C6orf52: variants seen among roughly 807,000 people sequenced by gnomAD.
C6orf52 encodes the protein chromosome 6 open reading frame 52.
In C6orf52, 16 loss-of-function variants were observed where a neutral mutation model predicts 16.6. That is an observed-to-expected ratio of 0.96 (90% CI 0.65 to 1.46). The LOEUF (loss-of-function observed/expected upper bound fraction) is 1.46. Ranked by LOEUF, C6orf52 falls within the 40% of genes most tolerant of loss-of-function variation. C6orf52 has a pLI of 0.00. For synonymous variants in C6orf52, 53 were observed against 61.4 expected (o/e 0.86, Z 0.64); for missense variants, 166 against 182.3 (o/e 0.91, Z 0.52).
At chr6:10,677,156 C>A (rs975711045) in intron 4 of C6orf52, among the ~76,000 whole-genome samples, 2 of 152,184 alleles carry the variant, frequency 1.3e-5, no homozygotes, top group Non-Finnish European at 2.9e-5. Flanking sequence ...TTGGGTCTTA[C>A]ATTTAAGTCT....
In C6orf52 at chr6:10,694,586, GCTACAGCCCCTAAGCA is replaced by G; in HGVS notation, c.-120_-105del. The G allele has an allele frequency of 5.4e-6, 1 of 185,692 alleles. No homozygotes were observed. 11.5% of individuals were successfully genotyped at this position (185,692 alleles called of 1,614,324 possible). ...GCCCACAACAATGCACGCTGCCGGC[GCTACAGCCCCTAAGCA>G]ACCGGCCGGAAGTCGGCCCCACCTC... is the stretch of plus-strand genomic sequence containing the variant. On this transcript the variant is annotated 5_prime_UTR_variant, in exon 1 of 5. Transcript: ENST00000259983.
At chr6:10,686,923 T>C (rs1282754065) in intron 3 of C6orf52, 43 bp downstream of exon 3, 5 of 1,369,984 alleles carry the variant, frequency 3.6e-6, no homozygotes, top group Non-Finnish European at 5.0e-6. Flanking sequence ...TTTACTATTA[T>C]TGGGCACACG....
chr6:10,688,360 A>C lies in C6orf52; in HGVS notation c.-11-799T>G, dbSNP rs145182579. On this transcript the variant is annotated intron_variant, in intron 1 of 4. Transcript: ENST00000259983. ...TCCCGCCACTTGAAGTAGCAAGGTT[A>C]CACAGTGTCAAAATTCAGGATAACT... 6.0e-4 allele frequency among the ~76,000 whole-genome samples: 92 copies of C among 152,348 alleles called. 1 individual carries two copies. The highest frequency in any genetic ancestry group is 1.1e-3 in the Non-Finnish European group (73 of 68,030).
chr6:10,692,154 T>A (rs1769371650), intron 1 of C6orf52, among the ~76,000 whole-genome samples: 1 of 152,186 alleles, frequency 6.6e-6, no homozygotes, highest in South Asian at 2.1e-4. Context: ...TTTGAAAGTT[T>A]TAGCGGTTTT....
chr6:10,678,118 C>T (rs1023482145), intron 4 of C6orf52, among the ~76,000 whole-genome samples: 4 of 139,392 alleles, frequency 2.9e-5, no homozygotes, highest in Non-Finnish European at 4.5e-5. Flanking sequence ...CTGGAGGAGG[C>T]GGTTGCAGTG....
rs1039437553 is a variant in C6orf52, at chr6:10,694,495, C to G, written c.-13G>C. On this transcript the variant is annotated splice_region_variant and 5_prime_UTR_variant, in exon 1 of 5. Coordinates refer to ENST00000259983, the MANE Select transcript of C6orf52 (RefSeq NM_001145020.3). Reference sequence around the variant, plus strand: ...AACCCTAATCCCACCCCTCCTTACCCTATTAACGACAGAAAGCCTCGTTCC... The same window carrying G: ...AACCCTAATCCCACCCCTCCTTACCGTATTAACGACAGAAAGCCTCGTTCC... 1 of 156,910 alleles carries G rather than the reference C, an allele frequency of 6.4e-6. No individual in the cohort carries two copies. Among genetic ancestry groups the G allele is most frequent in the Non-Finnish European group, 1.4e-5 (1 of 70,030 alleles). The allele number at this position is 156,910 out of a possible 1,614,324, so 9.7% of individuals were successfully genotyped here.
chr6:10,687,481 T>C lies in C6orf52; in HGVS notation c.70A>G (p.Ser24Gly). The C allele has an allele frequency of 6.5e-7, 1 of 1,545,000 alleles. No homozygotes were observed. The highest frequency in any genetic ancestry group is 1.4e-5 in the African/African-American group (1 of 72,566). The change falls in exon 2 of 5, where the codon AGT becomes GGT. Residue 24 changes from serine to glycine, a missense_variant and splice_region_variant. Transcript: ENST00000259983. ...QQNNYYCYWQSLPSAIRVKQE... is the reference protein window; with the variant it reads ...QQNNYYCYWQGLPSAIRVKQE... Reference sequence around the variant, plus strand: ...TCAAAGTAGGAGAAAACCACTCACCTTTGCCAGTAGCAGTAATAGTTATTT... The same window carrying C: ...TCAAAGTAGGAGAAAACCACTCACCCTTGCCAGTAGCAGTAATAGTTATTT...
chr6:10,685,434 A>T (rs1768793800), intron 3 of C6orf52, among the ~76,000 whole-genome samples: 1 of 152,240 alleles, frequency 6.6e-6, no homozygotes, highest in Non-Finnish European at 1.5e-5. Context: ...CTTGAGAAAA[A>T]TTGAAAATGA....
intron 1 of C6orf52, among the ~76,000 whole-genome samples, chr6:10,693,574 G>A (rs966436242): frequency 6.6e-6 from 1 of 152,290 alleles, no homozygotes; most frequent in South Asian, 2.1e-4. Context: ...TGAAATGGAG[G>A]CTGAAGATTT....
At chr6:10,684,230 C>G (rs1768656223) in intron 3 of C6orf52, among the ~76,000 whole-genome samples, 1 of 152,196 alleles carries the variant, frequency 6.6e-6, no homozygotes, top group East Asian at 1.9e-4. Flanking sequence ...ACCACTTGAA[C>G]CCAGGAGATC....
At chr6:10,687,194 G>A (rs1264714495) in intron 2 of C6orf52, 30 bp from the exon 3 acceptor site, 4 of 1,464,832 alleles carry the variant, frequency 2.7e-6, no homozygotes, top group Admixed American at 2.1e-5. Context: ...CACAACCAAC[G>A]CAGAATCATC....
In C6orf52 at chr6:10,686,892, T is replaced by G. The variant is rs569372767; in HGVS notation, c.270+74A>C. 4.6e-5 allele frequency: 51 copies of G among 1,102,146 alleles called. No individual in the cohort carries two copies. In the African/African-American group the frequency reaches 6.9e-4, roughly 15 times the overall value. The allele number at this position is 1,102,146 out of a possible 1,614,324, so 68.3% of individuals were successfully genotyped here. A position where few individuals can be genotyped will look rare whatever the true frequency, so the allele number is the denominator to read the frequency against. ...GAATTTGGATGACAGGACACAGATG[T>G]GTGAAGATAGGAAAGTGATGTTTAC... is the stretch of plus-strand genomic sequence containing the variant. On this transcript the variant is annotated intron_variant, in intron 3 of 4. Coordinates refer to ENST00000259983, the MANE Select transcript of C6orf52 (RefSeq NM_001145020.3).
intron 3 of C6orf52, among the ~76,000 whole-genome samples, chr6:10,683,690 G>C (rs1046984473): frequency 2.0e-5 from 3 of 152,156 alleles, no homozygotes; most frequent in Non-Finnish European, 4.4e-5. Flanking sequence ...CCTCAAACCC[G>C]TGACTCAGCT....
At chr6:10,685,939 C>A (rs1768836795) in intron 3 of C6orf52, among the ~76,000 whole-genome samples, 1 of 152,050 alleles carries the variant, frequency 6.6e-6, no homozygotes, top group African/African-American at 2.4e-5. Context: ...GAATTATATT[C>A]TTGGGGAAAA....
chr6:10,683,904 T>C (rs1040254736), intron 3 of C6orf52, among the ~76,000 whole-genome samples: 1 of 152,202 alleles, frequency 6.6e-6, no homozygotes, highest in Non-Finnish European at 1.5e-5. Context: ...CCTGTCTTTT[T>C]AAGTATGGCC....
chr6:10,689,207 G>A (rs1769087028), intron 1 of C6orf52, among the ~76,000 whole-genome samples: 1 of 152,204 alleles, frequency 6.6e-6, no homozygotes, highest in Non-Finnish European at 1.5e-5. Context: ...CTGACCTCAG[G>A]AGATCCGCTC....
chr6:10,685,864 C>T (rs2127468455), intron 3 of C6orf52, among the ~76,000 whole-genome samples: 1 of 152,266 alleles, frequency 6.6e-6, no homozygotes, highest in South Asian at 2.1e-4. Flanking sequence ...TTCATGCAGA[C>T]TTTAGGTAAC....
chr6:10,675,263 C>T (rs1183719583), intron 4 of C6orf52, among the ~76,000 whole-genome samples: 3 of 152,188 alleles, frequency 2.0e-5, no homozygotes, highest in Admixed American at 1.3e-4. Flanking sequence ...TAAGATTCCA[C>T]ATGAGTGAAA....
chr6:10,675,957 C>A (rs1767836938), intron 4 of C6orf52, among the ~76,000 whole-genome samples: 1 of 148,564 alleles, frequency 6.7e-6, no homozygotes, highest in Non-Finnish European at 1.5e-5. Flanking sequence ...CATGGTGAAA[C>A]CCCGTCTCTA....
Sources: allele counts gnomAD v4.1 joint callset (sites outside exome capture counted in the v4.1 genomes callset), GRCh38; gene constraint gnomAD v4.1.1; transcripts MANE v1.5; gene names NCBI Gene and HGNC (gene_info 2026-07-23, HGNC 2026-07-21).